ERC2: variants seen among roughly 807,000 people sequenced by gnomAD.
ERC2 encodes ERC protein 2.
A neutral mutation model predicts 114.8 loss-of-function variants in ERC2; 42 were observed. The ratio of observed to expected loss-of-function variants is 0.37; its 90% CI spans 0.29 to 0.47. The LOEUF is 0.47. ERC2 is among the 20% of genes least tolerant of loss of function. The probability of loss-of-function intolerance (pLI) is 0.99; values close to 1 mark genes in which losing one functional copy is unlikely to be tolerated. For missense variants in ERC2, 939 were observed against 1,150.7 expected, an observed-to-expected ratio of 0.82 and a Z score of 2.66; for synonymous variants, 454 against 425.5, an observed-to-expected ratio of 1.07 and a Z score of -0.82.
At chr3:55,699,275 G>GT in intron 16 of ERC2, 103 bp downstream of exon 16, 1 of 1,418,074 alleles carries the variant, frequency 7.1e-7, no homozygotes, top group Non-Finnish European at 9.9e-7. Context: ...TTCAAAGAAC[G>GT]TATCACTTTA....
At chr3:56,110,865 G>C (rs17235368) in intron 6 of ERC2, among the ~76,000 whole-genome samples, 26,091 of 152,058 alleles carry the variant, frequency 0.17, 2,450 homozygotes, top group African/African-American at 0.23. Flanking sequence ...GACTTTGACT[G>C]CATCTCATGT....
At chr3:56,406,360 AGTG>A (rs2060727324) in intron 2 of ERC2, among the ~76,000 whole-genome samples, 1 of 152,194 alleles carries the variant, frequency 6.6e-6, no homozygotes, top group Non-Finnish European at 1.5e-5. Flanking sequence ...CTCCTTCTCC[AGTG>A]GTGTGAGGAG....
rs139850981 is a variant in ERC2, at chr3:55,927,039, C to T, written c.2403+23386G>A. Among the ~76,000 whole-genome samples the T allele has an allele frequency of 1.5e-3, 235 of 152,152 alleles. 1 individual carries two copies. The highest frequency in any genetic ancestry group is 5.3e-3 in the African/African-American group (222 of 41,510). On this transcript the variant is annotated intron_variant, in intron 13 of 17. Coordinates refer to ENST00000288221, the MANE Select transcript of ERC2 (RefSeq NM_015576.3). ...CTGATACTGCCCTGAGAGTGGAGGG[C>T]AAATCAGTTCTAAGTTGGACCCCTG...
At chr3:55,952,175 A>T (rs1184844828) in intron 12 of ERC2, among the ~76,000 whole-genome samples, 7 of 63,304 alleles carry the variant, frequency 1.1e-4, no homozygotes, top group African/African-American at 1.7e-4. Context: ...ACACACACAC[A>T]CACACTCTCT....
chr3:56,294,008 C>T (rs1280684790), intron 3 of ERC2, among the ~76,000 whole-genome samples: 2 of 152,096 alleles, frequency 1.3e-5, no homozygotes, highest in African/African-American at 4.8e-5. Context: ...AGCCTTGCTG[C>T]CCCTTGGCAT....
chr3:56,418,901 G>A (rs1021272534), intron 2 of ERC2, among the ~76,000 whole-genome samples: 1 of 152,170 alleles, frequency 6.6e-6, no homozygotes, highest in African/African-American at 2.4e-5. Context: ...TTCTACAGAA[G>A]ACAGAGAGAG....
chr3:55,988,993 T>C (rs2070847550), intron 11 of ERC2, among the ~76,000 whole-genome samples: 1 of 152,198 alleles, frequency 6.6e-6, no homozygotes, highest in Admixed American at 6.5e-5. Context: ...GCCCTTTTTT[T>C]CCCAAGAAAC....
intron 14 of ERC2, among the ~76,000 whole-genome samples, chr3:55,735,679 A>G (rs751846841): frequency 1.3e-5 from 2 of 152,094 alleles, no homozygotes; most frequent in Non-Finnish European, 2.9e-5. Flanking sequence ...CTTTTGGGGG[A>G]TACATTCAAA....
chr3:56,273,616 T>C (rs1302534006), intron 3 of ERC2, among the ~76,000 whole-genome samples: 1 of 151,378 alleles, frequency 6.6e-6, no homozygotes, highest in Non-Finnish European at 1.5e-5. Flanking sequence ...TTTTTTTTCT[T>C]ATGGCTCTCA....
chr3:56,303,560 A>AG (rs1212591533), intron 2 of ERC2, among the ~76,000 whole-genome samples: 1 of 152,208 alleles, frequency 6.6e-6, no homozygotes, highest in Non-Finnish European at 1.5e-5. Context: ...CAGCTAGATA[A>AG]GAGCAAATAT....
At chr3:56,001,488 A>T (rs1260165668) in intron 10 of ERC2, among the ~76,000 whole-genome samples, 2 of 152,110 alleles carry the variant, frequency 1.3e-5, no homozygotes, top group Non-Finnish European at 2.9e-5. Flanking sequence ...CGGGATGCCA[A>T]ACCAATGGGT....
At chr3:56,027,741 T>G (rs2074132572) in intron 7 of ERC2, among the ~76,000 whole-genome samples, 1 of 152,168 alleles carries the variant, frequency 6.6e-6, no homozygotes, top group Admixed American at 6.5e-5. Context: ...GGTTTGCAAT[T>G]ATTTCCTCCA....
chr3:56,412,665 A>G (rs1009697473), intron 2 of ERC2, among the ~76,000 whole-genome samples: 16 of 152,154 alleles, frequency 1.1e-4, no homozygotes, highest in African/African-American at 3.9e-4. Flanking sequence ...GTTGGCTTCC[A>G]TGTTTGGCAC....
In ERC2 at chr3:55,554,500, AACTCTGACAAGAG is replaced by A. The variant is rs535138600; in HGVS notation, c.*40-43237_*40-43225del. Among the ~76,000 whole-genome samples, 13 of 152,318 alleles carry A rather than the reference AACTCTGACAAGAG, an allele frequency of 8.5e-5. No individual in the cohort carries two copies. The South Asian group carries it at 2.5e-3, about 29-fold the overall frequency. On this transcript the variant is annotated intron_variant, in intron 17 of 17. Coordinates refer to ENST00000288221, the MANE Select transcript of ERC2 (RefSeq NM_015576.3). ...GCCAGGCTGAAGCCGGACTCCTAGG[AACTCTGACAAGAG>A]ACACAGGCCTGTTTTTAGGAGACAC...
At chr3:56,405,480 T>A (rs894282713) in intron 2 of ERC2, among the ~76,000 whole-genome samples, 5 of 151,418 alleles carry the variant, frequency 3.3e-5, no homozygotes, top group African/African-American at 9.7e-5. Context: ...GTAGCCCTGA[T>A]CAAAGTCAAT....
At chr3:56,425,360 C>A (rs772999668) in intron 2 of ERC2, among the ~76,000 whole-genome samples, 1 of 152,072 alleles carries the variant, frequency 6.6e-6, no homozygotes, top group African/African-American at 2.4e-5. Flanking sequence ...TACTGGCAAC[C>A]AAGACCGCCC....
intron 10 of ERC2, among the ~76,000 whole-genome samples, chr3:55,996,080 A>G (rs2071490037): frequency 6.6e-6 from 1 of 152,262 alleles, no homozygotes; most frequent in Non-Finnish European, 1.5e-5. Flanking sequence ...TGAATAAATC[A>G]TGATCACAGT....
intron 17 of ERC2, among the ~76,000 whole-genome samples, chr3:55,620,285 A>G (rs754986202): frequency 1.6e-4 from 25 of 152,178 alleles, no homozygotes; most frequent in Non-Finnish European, 1.5e-4. Context: ...CCATCCCCAT[A>G]ATAAAAATTC....
chr3:55,965,073 A>G (rs1288958941), intron 12 of ERC2, among the ~76,000 whole-genome samples: 1 of 152,154 alleles, frequency 6.6e-6, no homozygotes, highest in Non-Finnish European at 1.5e-5. Flanking sequence ...GATATACCCT[A>G]TTTAAGGGAA....
Sources: gnomAD v4.1 joint callset for allele counts (sites outside exome capture counted in the v4.1 genomes callset) on GRCh38, gnomAD v4.1.1 for gene constraint, MANE v1.5 for transcripts, NCBI Gene and HGNC (gene_info 2026-07-23, HGNC 2026-07-21) for gene names.